CDH13: variants seen among roughly 807,000 people sequenced by gnomAD.
CDH13 encodes the protein cadherin 13.
CDH13 carries 24 observed loss-of-function variants against 63.8 expected under a neutral mutation model. The observed-to-expected ratio is 0.38, with a 90% CI of 0.27 to 0.53. The LOEUF is 0.53. CDH13 is among the 20% of genes least tolerant of loss of function. The probability of loss-of-function intolerance (pLI) is 0.85; values close to 1 mark genes in which losing one functional copy is unlikely to be tolerated. For synonymous variants in CDH13, 503 were observed against 355.3 expected (o/e 1.42, Z -4.67); for missense variants, 1,049 against 903.1 (o/e 1.16, Z -2.07).
At chr16:83,708,783 G>A (rs993211767) in intron 10 of CDH13, among the ~76,000 whole-genome samples, 4 of 152,200 alleles carry the variant, frequency 2.6e-5, no homozygotes, top group Non-Finnish European at 5.9e-5. Flanking sequence ...CCAGCACTTT[G>A]GGAGGCTGAG....
intron 6 of CDH13, among the ~76,000 whole-genome samples, chr16:83,356,697 A>G (rs753962468): frequency 6.6e-6 from 1 of 152,160 alleles, no homozygotes; most frequent in Non-Finnish European, 1.5e-5. Context: ...CTTCTTAACC[A>G]AATGGAAGAG....
At chr16:83,351,264 A>T (rs1239682077) in intron 6 of CDH13, among the ~76,000 whole-genome samples, 2 of 144,540 alleles carry the variant, frequency 1.4e-5, no homozygotes, top group African/African-American at 5.0e-5. Context: ...CTGGAATATC[A>T]GGCATGTGGC....
intron 10 of CDH13, among the ~76,000 whole-genome samples, chr16:83,742,620 G>A (rs1419705864): frequency 3.3e-5 from 5 of 152,280 alleles, no homozygotes; most frequent in Admixed American, 6.5e-5. Context: ...GCGCCTGGCC[G>A]ATTGGTCAAA....
chr16:83,482,074 G>A lies in CDH13; in HGVS notation c.782-4403G>A, dbSNP rs915985311. On this transcript the variant is annotated intron_variant, in intron 6 of 13. Transcript: ENST00000567109. ...CCATTCCAGCAAGGACCTCCAAGGC[G>A]CATTGAACAGGGAGCTCAGAGGCAG... 6.6e-5 allele frequency among the ~76,000 whole-genome samples: 10 copies of A among 152,184 alleles called. 1 individual carries two copies. The highest frequency in any genetic ancestry group is 2.0e-4 in the Admixed American group (3 of 15,282).
chr16:82,681,462 C>T (rs1467136249), intron 1 of CDH13, among the ~76,000 whole-genome samples: 1 of 152,108 alleles, frequency 6.6e-6, no homozygotes, highest in African/African-American at 2.4e-5. Flanking sequence ...TTCCAGATGT[C>T]ATTAATGGCC....
intron 1 of CDH13, among the ~76,000 whole-genome samples, chr16:82,772,351 G>A (rs545074520): frequency 9.9e-4 from 150 of 152,202 alleles, no homozygotes; most frequent in African/African-American, 3.3e-3. Context: ...GAAAATCTAG[G>A]GGATGTGGAT....
At chr16:83,153,801 C>T (rs2037090286) in intron 4 of CDH13, among the ~76,000 whole-genome samples, 1 of 152,142 alleles carries the variant, frequency 6.6e-6, no homozygotes, top group Non-Finnish European at 1.5e-5. Context: ...CTGTTTAAGC[C>T]ACTCACTTTG....
At chr16:83,610,482 G>C (rs1255672813) in intron 8 of CDH13, among the ~76,000 whole-genome samples, 1 of 152,060 alleles carries the variant, frequency 6.6e-6, no homozygotes, top group Admixed American at 6.6e-5. Flanking sequence ...CAACTCAAAA[G>C]CTTCCTAGGG....
chr16:83,484,151 G>A (rs2073834663), intron 6 of CDH13, among the ~76,000 whole-genome samples: 1 of 152,146 alleles, frequency 6.6e-6, no homozygotes, highest in Non-Finnish European at 1.5e-5. Context: ...GATCAATCAG[G>A]CCTAATGACT....
chr16:83,609,158 T>C (rs557982987), intron 8 of CDH13, among the ~76,000 whole-genome samples: 39 of 152,240 alleles, frequency 2.6e-4, no homozygotes, highest in Admixed American at 1.0e-3. Context: ...ACTTGCGGCC[T>C]GTGAGCTGGC....
At chr16:83,383,814 A>G (rs1231535383) in intron 6 of CDH13, among the ~76,000 whole-genome samples, 2 of 152,144 alleles carry the variant, frequency 1.3e-5, no homozygotes, top group Non-Finnish European at 2.9e-5. Flanking sequence ...TGACTTCCTC[A>G]AGGAACCTTG....
intron 1 of CDH13, among the ~76,000 whole-genome samples, chr16:82,827,690 C>A (rs1767194502): frequency 6.6e-6 from 1 of 152,186 alleles, no homozygotes; most frequent in African/African-American, 2.4e-5. Context: ...TGGGGAGAAT[C>A]TGACCTAAAA....
At chr16:82,887,339 G>A (rs1307441733) in intron 2 of CDH13, among the ~76,000 whole-genome samples, 2 of 152,230 alleles carry the variant, frequency 1.3e-5, no homozygotes, top group Non-Finnish European at 2.9e-5. Context: ...ATGGGAAAGG[G>A]AATGGTGTGG....
intron 2 of CDH13, among the ~76,000 whole-genome samples, chr16:82,996,015 G>T (rs1597377015): frequency 6.6e-6 from 1 of 152,136 alleles, no homozygotes; most frequent in Admixed American, 6.6e-5. Context: ...TTGGAGAGTT[G>T]CCATCTTCCT....
intron 2 of CDH13, chr16:82,858,973 C>T (rs909949354): frequency 6.4e-6 from 1 of 156,120 alleles, no homozygotes; most frequent in Non-Finnish European, 1.4e-5. Flanking sequence ...AGATTCAAAA[C>T]CTCTACTGAT....
At chr16:82,815,428 C>G (rs374913828) in intron 1 of CDH13, among the ~76,000 whole-genome samples, 10 of 152,074 alleles carry the variant, frequency 6.6e-5, no homozygotes, top group East Asian at 5.8e-4. Flanking sequence ...TGTTGCGATT[C>G]TGAGGTGGTT....
intron 4 of CDH13, among the ~76,000 whole-genome samples, chr16:83,164,692 G>T (rs1462714009): frequency 1.3e-5 from 2 of 150,382 alleles, no homozygotes; most frequent in Non-Finnish European, 2.9e-5. Context: ...TGCACTCTAG[G>T]CTGGGTGACA....
In CDH13 at chr16:82,942,993, C is replaced by T. The variant is rs373663448; in HGVS notation, c.157+84520C>T. 1.1e-4 allele frequency among the ~76,000 whole-genome samples: 16 copies of T among 152,270 alleles called. 3 individuals are homozygous for T. Among genetic ancestry groups the T allele is most frequent in the East Asian group, 1.9e-4 (1 of 5,182 alleles). On this transcript the variant is annotated intron_variant, in intron 2 of 13. Coordinates refer to ENST00000567109, the MANE Select transcript of CDH13 (RefSeq NM_001257.5). Reference sequence around the variant, plus strand: ...TGGAAAAGCTGAATTTATTTGTATGCCTAACTAAGAATGAGCTAATTGATT... The same window carrying T: ...TGGAAAAGCTGAATTTATTTGTATGTCTAACTAAGAATGAGCTAATTGATT...
chr16:83,028,008 G>A (rs1915973863), intron 2 of CDH13, among the ~76,000 whole-genome samples: 1 of 152,170 alleles, frequency 6.6e-6, no homozygotes, highest in Admixed American at 6.5e-5. Context: ...TAGGAAGAAA[G>A]GGTGGGAAGA....
Sources: allele counts gnomAD v4.1 joint callset (sites outside exome capture counted in the v4.1 genomes callset), GRCh38; gene constraint gnomAD v4.1.1; transcripts MANE v1.5; gene names NCBI Gene and HGNC (gene_info 2026-07-23, HGNC 2026-07-21).